The following VAV2 variants were observed in gnomAD, a reference collection of about 807,000 sequenced individuals.
VAV2 encodes guanine nucleotide exchange factor VAV2.
Under a neutral mutation model 132.5 loss-of-function variants are expected in VAV2, and 67 were observed. The observed-to-expected ratio is 0.51, with a 90% CI of 0.42 to 0.62. VAV2 has a LOEUF of 0.62. Among genes scored for constraint, VAV2 ranks in the 20% least tolerant of loss-of-function variants. The pLI is 0.00. For missense variants in VAV2, 938 were observed against 1,153.6 expected, an observed-to-expected ratio of 0.81 and a Z score of 2.71; for synonymous variants, 492 against 443.5, an observed-to-expected ratio of 1.11 and a Z score of -1.37.
chr9:133,781,963 G>A (rs1313064344), intron 19 of VAV2, among the ~76,000 whole-genome samples: 2 of 152,206 alleles, frequency 1.3e-5, no homozygotes, highest in Non-Finnish European at 2.9e-5. Context: ...GTGCGCGTCT[G>A]CAGAAAGCAG....
rs192366954 is a variant in VAV2, at chr9:133,826,032, G to A, written c.449+8240C>T. On this transcript the variant is annotated intron_variant, in intron 4 of 29. Coordinates refer to ENST00000371850, the MANE Select transcript of VAV2 (RefSeq NM_001134398.2). This position sits in a 1 kb window ranked among gnomAD's most constrained non-coding sequence, Gnocchi z 4.2. ...TACATTACATTCCCTGCCGTGTCAC[G>A]ATCACATTTGTTTAAGCCTGAAAAT... Among the ~76,000 whole-genome samples, 2 of 152,254 alleles carry A rather than the reference G, an allele frequency of 1.3e-5. No homozygotes were observed. Among genetic ancestry groups the A allele is most frequent in the Non-Finnish European group, 2.9e-5 (2 of 68,026 alleles).
intron 4 of VAV2, among the ~76,000 whole-genome samples, chr9:133,814,989 G>C (rs150979862): frequency 5.6e-4 from 86 of 152,292 alleles, no homozygotes; most frequent in Non-Finnish European, 1.0e-3. Context: ...AGGCCTGAAC[G>C]TATTCCGGGA....
At chr9:133,882,172 T>C (rs961988542) in intron 2 of VAV2, among the ~76,000 whole-genome samples, 1 of 152,284 alleles carries the variant, frequency 6.6e-6, no homozygotes. Flanking sequence ...CTCTCGGAGA[T>C]TCCAGGGCAG....
rs913366057 is a variant in VAV2 at position 133,935,842 on chromosome 9, G to C, written c.321+3261C>G. On this transcript the variant is annotated intron_variant, in intron 2 of 29. Coordinates refer to ENST00000371850, the MANE Select transcript of VAV2 (RefSeq NM_001134398.2). The surrounding 1 kb of genome is among the most constrained non-coding windows in gnomAD (Gnocchi z 5.2). ...ACGCTGAAGGGCAAGTGCGGGTTCC[G>C]GCTCCATTGCTCCCAAGTGTGCCAG... Among the ~76,000 whole-genome samples, 6 of 152,184 alleles carry C rather than the reference G, an allele frequency of 3.9e-5. No individual in the cohort carries two copies. The highest frequency in any genetic ancestry group is 6.5e-5 in the Admixed American group (1 of 15,286).
Position 133,844,971 on chromosome 9 carries a change from C to T in VAV2, c.381-10631G>A, listed in dbSNP as rs1004217656. Among the ~76,000 whole-genome samples, 17 of 152,376 alleles carry T rather than the reference C, an allele frequency of 1.1e-4. No homozygotes were observed. In the East Asian group the frequency reaches 1.2e-3, roughly 10 times the overall value. Reference sequence around the variant, plus strand: ...CTGAGATCCTCCTGTGAACATGGAACGCTCTGTCAGCTACTGGAAACACCG... The same window carrying T: ...CTGAGATCCTCCTGTGAACATGGAATGCTCTGTCAGCTACTGGAAACACCG... On this transcript the variant is annotated intron_variant, in intron 3 of 29. Coordinates refer to ENST00000371850, the MANE Select transcript of VAV2 (RefSeq NM_001134398.2).
At chr9:133,939,706 G>T (rs908729426) in intron 1 of VAV2, among the ~76,000 whole-genome samples, 1 of 152,238 alleles carries the variant, frequency 6.6e-6, no homozygotes, top group South Asian at 2.1e-4. Flanking sequence ...GCATGCTCAC[G>T]TGGGCACGTG....
At chr9:133,805,827 C>G (rs1835114756) in intron 9 of VAV2, among the ~76,000 whole-genome samples, 1 of 152,210 alleles carries the variant, frequency 6.6e-6, no homozygotes, top group Non-Finnish European at 1.5e-5. Flanking sequence ...CCTCTCACAG[C>G]CAGTTAGAAA....
rs75537794 is a variant in VAV2 at position 133,828,229 on chromosome 9, C to T, written c.449+6043G>A. On this transcript the variant is annotated intron_variant, in intron 4 of 29. Coordinates refer to ENST00000371850, the MANE Select transcript of VAV2 (RefSeq NM_001134398.2). ...ACTGAGTGGGGGCATCACCACCTAC[C>T]GCTGCGCCCACTGGGGCTGACCACT... 6.5e-3 allele frequency among the ~76,000 whole-genome samples: 92 copies of T among 14,208 alleles called. 24 individuals are homozygous for T. In the East Asian group the frequency reaches 0.081, roughly 13 times the overall value. The allele number at this position is 14,208 out of a possible 152,430, so 9.3% of individuals were successfully genotyped here. A position where few individuals can be genotyped will look rare whatever the true frequency, so the allele number is the denominator to read the frequency against.
At position 133,762,226 on chromosome 9, in the gene VAV2, A is replaced by G. The variant is rs1833282638; in HGVS notation, c.*1836T>C. ...ACACAAAACAAAAAAATTCACAAAA[A>G]CCAGGGTTCTAAATTATTTTTTCTC... is the stretch of plus-strand genomic sequence containing the variant. On this transcript the variant is annotated 3_prime_UTR_variant, in exon 30 of 30. Coordinates refer to ENST00000371850, the MANE Select transcript of VAV2 (RefSeq NM_001134398.2). The surrounding 1 kb of genome is among the most constrained non-coding windows in gnomAD (Gnocchi z 5.0). The G allele has an allele frequency of 6.6e-6, 1 of 152,578 alleles. No homozygotes were observed. Among genetic ancestry groups the G allele is most frequent in the Non-Finnish European group, 1.5e-5 (1 of 68,042 alleles). The allele number at this position is 152,578 out of a possible 1,614,324, so 9.5% of individuals were successfully genotyped here.
At chr9:133,908,846 A>C (rs1167552476) in intron 2 of VAV2, among the ~76,000 whole-genome samples, 1 of 152,236 alleles carries the variant, frequency 6.6e-6, no homozygotes, top group South Asian at 2.1e-4. Context: ...CAGCCCCTGC[A>C]GTTCTGAAAA....
At chr9:133,930,381 G>GCCTCCTGGCCTCCACC (rs1343680355) in intron 2 of VAV2, among the ~76,000 whole-genome samples, 1 of 148,316 alleles carries the variant, frequency 6.7e-6, no homozygotes, top group African/African-American at 2.5e-5. Flanking sequence ...CTGCCTCCTT[G>GCCTCCTGGCCTCCACC]CTGCCTCCTG....
intron 2 of VAV2, among the ~76,000 whole-genome samples, chr9:133,905,411 G>A (rs571135492): frequency 3.3e-4 from 48 of 143,890 alleles, no homozygotes; most frequent in Admixed American, 9.8e-4. Context: ...ACTCCAGCCT[G>A]GGTGACAGAG....
chr9:133,948,718 T>C (rs926660344), intron 1 of VAV2, among the ~76,000 whole-genome samples: 1 of 152,262 alleles, frequency 6.6e-6, no homozygotes, highest in Non-Finnish European at 1.5e-5. Flanking sequence ...CCGGTGGCTC[T>C]TCCACTTTCT....
chr9:133,894,755 C>T (rs35745361), intron 2 of VAV2, among the ~76,000 whole-genome samples: 28,568 of 152,184 alleles, frequency 0.19, 3,044 homozygotes, highest in Middle Eastern at 0.29. Context: ...CAGATCCTGG[C>T]GCCCACCCTG....
At chr9:133,910,624 C>T (rs1253786031) in intron 2 of VAV2, among the ~76,000 whole-genome samples, 1 of 145,652 alleles carries the variant, frequency 6.9e-6, no homozygotes, top group African/African-American at 2.5e-5. Context: ...TCCTGGCTAA[C>T]ACGGTGAAAC....
At chr9:133,944,297 G>A (rs1841283357) in intron 1 of VAV2, among the ~76,000 whole-genome samples, 1 of 152,180 alleles carries the variant, frequency 6.6e-6, no homozygotes, top group Non-Finnish European at 1.5e-5. Flanking sequence ...GTGGGAAACA[G>A]GACAGGCCTG....
intron 7 of VAV2, among the ~76,000 whole-genome samples, chr9:133,808,329 C>A (rs1251404229): frequency 2.0e-5 from 3 of 152,196 alleles, no homozygotes; most frequent in Non-Finnish European, 4.4e-5. Context: ...CCCAAGGGGG[C>A]AGCCCAGGTC....
chr9:133,829,617 T>C (rs112433022), intron 4 of VAV2, among the ~76,000 whole-genome samples: 1,670 of 152,308 alleles, frequency 0.011, 29 homozygotes, highest in African/African-American at 0.037. Flanking sequence ...ATTTTGAATA[T>C]GCTGGGTTAA....
In VAV2 at chr9:133,779,779, G is replaced by A. The variant is rs901764275; in HGVS notation, c.1762+139C>T. 58 of 1,157,032 alleles carry A rather than the reference G, an allele frequency of 5.0e-5. No homozygotes were observed. In the African/African-American group the frequency reaches 8.0e-4, roughly 16 times the overall value. 71.7% of individuals were successfully genotyped at this position (1,157,032 alleles called of 1,614,324 possible). A position where few individuals can be genotyped will look rare whatever the true frequency, so the allele number is the denominator to read the frequency against. ...AGGCCAGAGAGGCAAGAGGGAGGGG[G>A]CCCAGATGGCAGCATCCAGGAGCCT... On this transcript the variant is annotated intron_variant, in intron 21 of 29. Coordinates refer to ENST00000371850, the MANE Select transcript of VAV2 (RefSeq NM_001134398.2).
Sources: gnomAD v4.1 joint callset for allele counts (sites outside exome capture counted in the v4.1 genomes callset) on GRCh38, gnomAD v4.1.1 for gene constraint, Gnocchi (gnomAD v3.1) non-coding constraint, MANE v1.5 for transcripts, NCBI Gene and HGNC (gene_info 2026-07-23, HGNC 2026-07-21) for gene names.